Variants in PRKN observed in about 807,000 individuals in gnomAD.
PRKN encodes E3 ubiquitin-protein ligase parkin.
In PRKN, 56 loss-of-function variants were observed where a neutral mutation model predicts 59.5. The ratio of observed to expected loss-of-function variants is 0.94; its 90% CI spans 0.76 to 1.18. The LOEUF (loss-of-function observed/expected upper bound fraction) is 1.18. Ranked by LOEUF, PRKN falls within the 50% of genes most tolerant of loss-of-function variation. PRKN has a pLI of 0.00. For synonymous variants in PRKN, 250 were observed against 222.1 expected, an observed-to-expected ratio of 1.13 and a Z score of -1.12; for missense variants, 657 against 596.4, an observed-to-expected ratio of 1.10 and a Z score of -1.06.
intron 4 of PRKN, among the ~76,000 whole-genome samples, chr6:162,189,587 C>A (rs1583173739): frequency 1.3e-5 from 2 of 150,552 alleles, no homozygotes; most frequent in East Asian, 4.0e-4. Flanking sequence ...CTATGCTAAG[C>A]ACCAAAGTAT....
intron 2 of PRKN, among the ~76,000 whole-genome samples, chr6:162,421,252 G>A (rs1263075418): frequency 6.7e-6 from 1 of 148,330 alleles, no homozygotes; most frequent in African/African-American, 2.5e-5. Flanking sequence ...TTTGTGCCAG[G>A]CACTCTCTGG....
chr6:162,578,221 AC>A (rs972395447), intron 1 of PRKN, among the ~76,000 whole-genome samples: 12 of 152,168 alleles, frequency 7.9e-5, no homozygotes, highest in African/African-American at 2.9e-4. Flanking sequence ...TGAGTGAAAA[AC>A]ATGTACAAAA....
intron 1 of PRKN, among the ~76,000 whole-genome samples, chr6:162,725,177 C>T (rs538868109): frequency 6.6e-6 from 1 of 152,332 alleles, no homozygotes; most frequent in East Asian, 1.9e-4. Context: ...CCTCATACTC[C>T]CGAATCCCGC....
Position 161,716,072 on chromosome 6 carries a change from T to TAG in PRKN, c.871+69699_871+69700insCT, listed in dbSNP as rs761403361. Reference sequence around the variant, plus strand: ...CCACCATGCTGTGCTGGGCCCATCTTACCGACTCCTCTCCTGAATCCCCCC... The same window carrying TAG: ...CCACCATGCTGTGCTGGGCCCATCTTAGACCGACTCCTCTCCTGAATCCCCCC... On this transcript the variant is annotated intron_variant, in intron 7 of 11. Coordinates refer to ENST00000366898, the MANE Select transcript of PRKN (RefSeq NM_004562.3). The TAG allele has an allele frequency of 2.0e-4, 170 of 856,438 alleles. 1 individual carries two copies. Among genetic ancestry groups the TAG allele is most frequent in the Non-Finnish European group, 2.0e-4 (136 of 666,088 alleles). 53.1% of individuals were successfully genotyped at this position (856,438 alleles called of 1,614,324 possible). A position where few individuals can be genotyped will look rare whatever the true frequency, so the allele number is the denominator to read the frequency against.
At chr6:162,076,167 C>T (rs948339305) in intron 4 of PRKN, among the ~76,000 whole-genome samples, 2 of 151,944 alleles carry the variant, frequency 1.3e-5, no homozygotes, top group Admixed American at 1.3e-4. Context: ...TGGGGTTTCA[C>T]CATGTTGGCC....
In PRKN at chr6:161,946,435, CT is replaced by C. The variant is rs1332373742; in HGVS notation, c.734+26866del. On this transcript the variant is annotated intron_variant, in intron 6 of 11. Coordinates refer to ENST00000366898, the MANE Select transcript of PRKN (RefSeq NM_004562.3). Reference sequence around the variant, plus strand: ...ACACACTCTCTCTCTCTCTCTCTCTCTCTCTCTCTCTCTCTCAATACAAAAG... The same window carrying C: ...ACACACTCTCTCTCTCTCTCTCTCTCCTCTCTCTCTCTCTCAATACAAAAG... Among the ~76,000 whole-genome samples the C allele has an allele frequency of 8.9e-4, 134 of 150,942 alleles. 1 individual carries two copies. The highest frequency in any genetic ancestry group is 2.9e-3 in the Admixed American group (44 of 15,148).
chr6:161,877,553 G>A (rs1794778522), intron 6 of PRKN, among the ~76,000 whole-genome samples: 2 of 150,698 alleles, frequency 1.3e-5, no homozygotes, highest in Admixed American at 6.6e-5. Context: ...TCAGCCTCCT[G>A]GGTTCACGCT....
intron 6 of PRKN, among the ~76,000 whole-genome samples, chr6:161,870,821 G>C (rs547270390): frequency 6.6e-6 from 1 of 152,288 alleles, no homozygotes; most frequent in East Asian, 1.9e-4. Context: ...ATTGGTGATA[G>C]GTAGGTCTCC....
Position 162,165,320 on chromosome 6 carries a change from C to A in PRKN, c.534+35811G>T, listed in dbSNP as rs117749058. Among the ~76,000 whole-genome samples, 19 of 149,052 alleles carry A rather than the reference C, an allele frequency of 1.3e-4. No homozygotes were observed. The East Asian group carries it at 3.7e-3, about 29-fold the overall frequency. On this transcript the variant is annotated intron_variant, in intron 4 of 11. Transcript: ENST00000366898. ...CACAATATCATTAAAAAGTAATAAA[C>A]TTAGAAATTAAAACATCTGTTCATA...
chr6:162,186,511 A>G (rs547204536), intron 4 of PRKN, among the ~76,000 whole-genome samples: 1 of 152,258 alleles, frequency 6.6e-6, no homozygotes, highest in Non-Finnish European at 1.5e-5. Context: ...GCTTCTATGG[A>G]AAGACTCCAC....
chr6:162,719,973 CATTTT>C (rs1474576975), intron 1 of PRKN, among the ~76,000 whole-genome samples: 2 of 151,954 alleles, frequency 1.3e-5, no homozygotes, highest in Non-Finnish European at 2.9e-5. Flanking sequence ...CCTATTTCTC[CATTTT>C]ATTAATACGA....
At chr6:162,178,523 G>A (rs1249476566) in intron 4 of PRKN, among the ~76,000 whole-genome samples, 1 of 152,126 alleles carries the variant, frequency 6.6e-6, no homozygotes, top group Non-Finnish European at 1.5e-5. Context: ...CTCCCTTAAA[G>A]GTTGGAGGTC....
Position 161,360,338 on chromosome 6 carries a change from T to C in PRKN, c.1168-133A>G. The C allele has an allele frequency of 1.3e-6, 1 of 758,102 alleles. No homozygotes were observed. The allele number at this position is 758,102 out of a possible 1,614,324, so 47.0% of individuals were successfully genotyped here. A position where few individuals can be genotyped will look rare whatever the true frequency, so the allele number is the denominator to read the frequency against. ...TTCGGGCAAGAAGCCTAAATATCAA[T>C]GCACTTGACAAATGCTAGACAGCTA... On this transcript the variant is annotated intron_variant, in intron 10 of 11. Transcript: ENST00000366898. The surrounding 1 kb of genome is among the most constrained non-coding windows in gnomAD (Gnocchi z 5.1).
intron 7 of PRKN, among the ~76,000 whole-genome samples, chr6:161,596,853 G>C (rs536640583): frequency 6.6e-6 from 1 of 152,290 alleles, no homozygotes; most frequent in Non-Finnish European, 1.5e-5. Flanking sequence ...TTTGATGCAA[G>C]ACCTGGCCTG....
At chr6:161,490,403 G>C (rs1028184285) in intron 9 of PRKN, among the ~76,000 whole-genome samples, 1 of 13,894 alleles carries the variant, frequency 7.2e-5, no homozygotes, top group Non-Finnish European at 1.7e-4. Context: ...TTTTTTTTTT[G>C]AGACAGAGTC....
At chr6:161,904,309 GTTTTTTT>G (rs1025317025) in intron 6 of PRKN, among the ~76,000 whole-genome samples, 1 of 72,556 alleles carries the variant, frequency 1.4e-5, no homozygotes, top group Non-Finnish European at 2.3e-5. Flanking sequence ...AATTTGTGGG[GTTTTTTT>G]TTTTTTTTTT....
chr6:162,396,890 A>G (rs1787504398), intron 2 of PRKN, among the ~76,000 whole-genome samples: 2 of 152,198 alleles, frequency 1.3e-5, no homozygotes, highest in Non-Finnish European at 1.5e-5. Context: ...TTTAGGTTCA[A>G]GGTGGGCTAA....
At chr6:162,380,441 ATATATG>A (rs1427151362) in intron 2 of PRKN, among the ~76,000 whole-genome samples, 3 of 74,734 alleles carry the variant, frequency 4.0e-5, no homozygotes, top group African/African-American at 7.7e-5. Flanking sequence ...GTGTATATAT[ATATATG>A]TATATATACA....
Position 161,966,388 on chromosome 6 carries a change from C to G in PRKN, c.734+6914G>C, listed in dbSNP as rs919044311. 1.3e-5 allele frequency among the ~76,000 whole-genome samples: 2 copies of G among 150,858 alleles called. 1 individual carries two copies. The highest frequency in any genetic ancestry group is 5.0e-5 in the African/African-American group (2 of 40,178). Reference sequence around the variant, plus strand: ...GCACTGTAAAGGGAGATTGAAGGAGCAGAAATATCAATTTCGTTTGGGAGA... The same window carrying G: ...GCACTGTAAAGGGAGATTGAAGGAGGAGAAATATCAATTTCGTTTGGGAGA... On this transcript the variant is annotated intron_variant, in intron 6 of 11. Transcript: ENST00000366898.
Sources: gnomAD v4.1 joint callset for allele counts (sites outside exome capture counted in the v4.1 genomes callset) on GRCh38, gnomAD v4.1.1 for gene constraint, Gnocchi (gnomAD v3.1) non-coding constraint, MANE v1.5 for transcripts, NCBI Gene and HGNC (gene_info 2026-07-23, HGNC 2026-07-21) for gene names.